The following MALRD1 variants were observed in gnomAD, a reference collection of about 807,000 sequenced individuals.
MALRD1 encodes the protein MAM and LDL-receptor class A domain-containing protein 1.
Under a neutral mutation model 242.1 loss-of-function variants are expected in MALRD1, and 247 were observed. The observed-to-expected ratio is 1.02, with a 90% CI of 0.92 to 1.13. MALRD1 has a LOEUF of 1.13. MALRD1 is among the 50% of genes most tolerant of loss of function. The pLI, the probability that MALRD1 is intolerant of heterozygous loss-of-function variation, is 0.00. For missense variants in MALRD1, 2,989 were observed against 2,533.1 expected, an observed-to-expected ratio of 1.18 and a Z score of -3.86; for synonymous variants, 995 against 866.6, an observed-to-expected ratio of 1.15 and a Z score of -2.60.
intron 10 of MALRD1, among the ~76,000 whole-genome samples, chr10:19,141,960 C>G (rs919665301): frequency 6.6e-6 from 1 of 151,774 alleles, no homozygotes; most frequent in Non-Finnish European, 1.5e-5. Context: ...ATCACGAGGT[C>G]AGGAGATCCA....
chr10:19,073,613 G>T (rs1193085830), intron 2 of MALRD1, among the ~76,000 whole-genome samples: 1 of 152,072 alleles, frequency 6.6e-6, no homozygotes, highest in African/African-American at 2.4e-5. Context: ...TGTGAATAAG[G>T]TGTATATGAA....
chr10:19,292,261 C>T (rs1841474189), intron 21 of MALRD1, among the ~76,000 whole-genome samples: 1 of 151,962 alleles, frequency 6.6e-6, no homozygotes, highest in South Asian at 2.1e-4. Context: ...TTTTTGCATA[C>T]ATGATCTCTT....
chr10:19,444,989 G>A (rs1016476066), intron 28 of MALRD1, among the ~76,000 whole-genome samples: 4 of 152,078 alleles, frequency 2.6e-5, no homozygotes, highest in African/African-American at 9.7e-5. Context: ...ATATTTCTTG[G>A]AGGCTTTGTT....
Position 19,347,771 on chromosome 10 carries a change from G to A in MALRD1, c.3902G>A (p.Arg1301His), listed in dbSNP as rs1386778306. 23 of 1,549,598 alleles carry A rather than the reference G, an allele frequency of 1.5e-5. No individual in the cohort carries two copies. In the Admixed American group the frequency reaches 4.3e-4, roughly 29 times the overall value. ...ACATATATTTGGAAATATTTTCCAG[G>A]TACCTCCAGTGGGCGCTGTGATTTC... ...DNSDETTFIC[R>H]TSSGRCDFEF... The change falls in exon 25 of 40, where the codon CGT becomes CAT. Residue 1301 changes from arginine (R) to histidine (H), a missense_variant and splice_region_variant. Transcript: ENST00000454679.
intron 36 of MALRD1, among the ~76,000 whole-genome samples, chr10:19,618,746 A>G (rs1193523371): frequency 1.3e-5 from 2 of 152,072 alleles, no homozygotes; most frequent in Admixed American, 6.6e-5. Context: ...GTAATTTACA[A>G]TAAAGTGATA....
At chr10:19,492,333 A>G (rs1361838158) in intron 30 of MALRD1, among the ~76,000 whole-genome samples, 2 of 152,014 alleles carry the variant, frequency 1.3e-5, no homozygotes, top group African/African-American at 4.8e-5. Flanking sequence ...TGCAGTTACC[A>G]TTTGCTGCCT....
Position 19,257,712 on chromosome 10 carries a change from G to C in MALRD1, c.3020G>C (p.Gly1007Ala), listed in dbSNP as rs1839579036. 6.5e-7 allele frequency: 1 copy of C among 1,540,544 alleles called. No homozygotes were observed. The highest frequency in any genetic ancestry group is 8.8e-7 in the Non-Finnish European group (1 of 1,141,162). The change falls in exon 19 of 40, where the codon GGC becomes GCC. Residue 1007 changes from glycine to alanine, a missense_variant. Coordinates refer to ENST00000454679, the MANE Select transcript of MALRD1 (RefSeq NM_001142308.3). Reference sequence around the variant, plus strand: ...TTGGTGGAGGCTTCAGTGGGAGATGGCTTCACTGGAGATATTGCGATTGAT... The same window carrying C: ...TTGGTGGAGGCTTCAGTGGGAGATGCCTTCACTGGAGATATTGCGATTGAT... ...QILVEASVGDGFTGDIAIDDL... is the reference protein window; with the variant it reads ...QILVEASVGDAFTGDIAIDDL...
intron 28 of MALRD1, among the ~76,000 whole-genome samples, chr10:19,431,801 T>A (rs1156562895): frequency 1.3e-5 from 2 of 152,162 alleles, no homozygotes; most frequent in African/African-American, 4.8e-5. Context: ...TAAAGTACTG[T>A]TCTTCTGTTT....
rs190650145 is a variant in MALRD1 at position 19,300,876 on chromosome 10, A to G, written c.3419+17695A>G. On this transcript the variant is annotated intron_variant, in intron 21 of 39. Transcript: ENST00000454679. ...TGACAAGTGAGACCTAATTAAACTA[A>G]AGACCTTATGCACAGCAAAAGAAGC... is the stretch of plus-strand genomic sequence containing the variant. 2.0e-5 allele frequency among the ~76,000 whole-genome samples: 3 copies of G among 152,250 alleles called. No homozygotes were observed. In the East Asian group the frequency reaches 5.8e-4, roughly 29 times the overall value.
intron 38 of MALRD1, among the ~76,000 whole-genome samples, chr10:19,709,802 C>T (rs967992267): frequency 2.6e-5 from 4 of 152,126 alleles, no homozygotes; most frequent in Admixed American, 6.5e-5. Context: ...ATGAGACACT[C>T]GGCAACTTTA....
intron 36 of MALRD1, among the ~76,000 whole-genome samples, chr10:19,618,693 T>C (rs1839276135): frequency 6.6e-6 from 1 of 152,102 alleles, no homozygotes; most frequent in Non-Finnish European, 1.5e-5. Context: ...TGTTTTCTTC[T>C]TGTAAATTTG....
At chr10:19,066,591 G>T in intron 1 of MALRD1, 128 bp from the exon 2 acceptor site, 1 of 696,602 alleles carries the variant, frequency 1.4e-6, no homozygotes, top group Admixed American at 4.4e-5. Context: ...AGTAGACTTA[G>T]ACTTATAAGG....
intron 32 of MALRD1, among the ~76,000 whole-genome samples, chr10:19,565,692 G>A (rs16919057): frequency 2.0e-5 from 3 of 152,090 alleles, no homozygotes; most frequent in Admixed American, 1.3e-4. Flanking sequence ...GAGTGCTTAC[G>A]TGTCAGACTG....
intron 18 of MALRD1, among the ~76,000 whole-genome samples, chr10:19,223,595 C>A (rs1226017980): frequency 6.6e-6 from 1 of 152,108 alleles, no homozygotes; most frequent in African/African-American, 2.4e-5. Context: ...ATATGCAGAA[C>A]TTGCAGTTTT....
chr10:19,347,634 A>G (rs1307138910), intron 24 of MALRD1, 137 bp from the exon 25 acceptor site: 1 of 1,003,910 alleles, frequency 1.0e-6, no homozygotes, highest in East Asian at 2.6e-5. Context: ...TAGTCTCTTT[A>G]TATGTTGCTA....
At chr10:19,230,677 T>C (rs1307092131) in intron 18 of MALRD1, among the ~76,000 whole-genome samples, 1 of 152,088 alleles carries the variant, frequency 6.6e-6, no homozygotes, top group African/African-American at 2.4e-5. Flanking sequence ...CTTAGGATCT[T>C]TAGCTGTTCC....
At chr10:19,414,067 T>C (rs1341783696) in intron 28 of MALRD1, among the ~76,000 whole-genome samples, 1 of 152,138 alleles carries the variant, frequency 6.6e-6, no homozygotes, top group Non-Finnish European at 1.5e-5. Context: ...AAGTTCAATT[T>C]CCTCTTAAAT....
intron 32 of MALRD1, among the ~76,000 whole-genome samples, chr10:19,542,230 G>A (rs534961355): frequency 1.1e-4 from 17 of 152,166 alleles, no homozygotes; most frequent in African/African-American, 4.1e-4. Flanking sequence ...GGAAGTCTCG[G>A]TCTGAAGCTG....
In MALRD1 at chr10:19,205,074, G is replaced by A; in HGVS notation, c.2387G>A (p.Ser796Asn). ...TTCCATTTGTCACTAGATAAAGTCA[G>A]TCTGGGCATTTATGATGGGGTCTCA... is the stretch of plus-strand genomic sequence containing the variant. ...QPFHLSLDKV[S>N]LGIYDGVSAI... Residue 796 changes from serine (S) to asparagine (N), a missense_variant, in exon 17 of 40, where the codon AGT becomes AAT. Physicochemically the swap from Ser to Asn is conservative, Grantham distance 46. Coordinates refer to ENST00000454679, the MANE Select transcript of MALRD1 (RefSeq NM_001142308.3). 2 of 1,550,734 alleles carry A rather than the reference G, an allele frequency of 1.3e-6. No individual in the cohort carries two copies. The highest frequency in any genetic ancestry group is 1.2e-5 in the South Asian group (1 of 84,064).
Sources: gnomAD v4.1 joint callset for allele counts (sites outside exome capture counted in the v4.1 genomes callset) on GRCh38, gnomAD v4.1.1 for gene constraint, MANE v1.5 for transcripts, NCBI Gene and HGNC (gene_info 2026-07-23, HGNC 2026-07-21) for gene names.